Variants in GRAP2 observed in about 807,000 individuals in gnomAD.
The protein encoded by GRAP2 is GRB2-related adapter protein 2.
Under a neutral mutation model 43.5 loss-of-function variants are expected in GRAP2, and 31 were observed. The observed-to-expected ratio is 0.71, with a 90% confidence interval of 0.54 to 0.96. The LOEUF (loss-of-function observed/expected upper bound fraction) is 0.96, where lower values mean the gene tolerates loss of function less well. GRAP2 is among the 40% of genes least tolerant of loss of function. The pLI, the probability that GRAP2 is intolerant of heterozygous loss-of-function variation, is 0.00. For missense variants in GRAP2, 371 were observed against 424.4 expected, an observed-to-expected ratio of 0.87 and a Z score of 1.11; for synonymous variants, 156 against 164.8, an observed-to-expected ratio of 0.95 and a Z score of 0.41.
chr22:39,938,431 G>C (rs1404175186), intron 1 of GRAP2, among the ~76,000 whole-genome samples: 1 of 152,252 alleles, frequency 6.6e-6, no homozygotes, highest in East Asian at 1.9e-4. Flanking sequence ...TGACGGGGGA[G>C]ATTGTTCCCA....
chr22:39,969,354 A>G, intron 6 of GRAP2, 57 bp from the exon 7 acceptor site: 1 of 1,604,102 alleles, frequency 6.2e-7, no homozygotes, highest in African/African-American at 1.3e-5. Context: ...GCACTGGGGG[A>G]ACCGGTGGGA....
chr22:39,922,989 C>T (rs1389086943), intron 1 of GRAP2, among the ~76,000 whole-genome samples: 1 of 151,530 alleles, frequency 6.6e-6, no homozygotes, highest in Non-Finnish European at 1.5e-5. Context: ...TTGCAGTGAG[C>T]CGAGATTGCT....
rs538008395 is a variant in GRAP2 at position 39,927,170 on chromosome 22, G to GC, written c.-14-19916dup. ...GCCACGTTGATCACGTTTTAATTCT[G>GC]CCCCCCCGGCCATGCTATCCCCACT... On this transcript the variant is annotated intron_variant, in intron 1 of 7. Transcript: ENST00000344138. Among the ~76,000 whole-genome samples, 678 of 151,938 alleles carry GC rather than the reference G, an allele frequency of 4.5e-3. 4 individuals are homozygous for GC. Among genetic ancestry groups the GC allele is most frequent in the African/African-American group, 0.01 (416 of 41,452 alleles).
Position 39,968,729 on chromosome 22 carries a change from C to T in GRAP2, c.690+457C>T, listed in dbSNP as rs940809297. On this transcript the variant is annotated intron_variant, in intron 6 of 7. Coordinates refer to ENST00000344138, the MANE Select transcript of GRAP2 (RefSeq NM_004810.4). The stretch of plus-strand genomic sequence containing the variant: ...AGGCGGCTTACTGAGATGGACAATA[C>T]GGCCAGATAACATCATTCCTGAATT... The T allele has an allele frequency of 1.8e-5, 3 of 166,704 alleles. No homozygotes were observed. The East Asian group carries it at 5.2e-4, about 29-fold the overall frequency. The allele number at this position is 166,704 out of a possible 1,614,324, so 10.3% of individuals were successfully genotyped here.
rs1465922671 is a variant in GRAP2, at chr22:39,901,190, A to G, written c.-155A>G. 7 of 718,658 alleles carry G rather than the reference A, an allele frequency of 9.7e-6. No individual in the cohort carries two copies. Among genetic ancestry groups the G allele is most frequent in the Non-Finnish European group, 1.3e-5 (6 of 467,696 alleles). 44.5% of individuals were successfully genotyped at this position (718,658 alleles called of 1,614,324 possible). A position where few individuals can be genotyped will look rare whatever the true frequency, so the allele number is the denominator to read the frequency against. ...CTTGCACCCTCTTTCAGAGTGGTAC[A>G]TGGAAGACAGCACAAAGTGGATCCA... On this transcript the variant is annotated 5_prime_UTR_variant, in exon 1 of 8. It removes an upstream start codon present in the reference 5' UTR. Transcript: ENST00000344138.
At chr22:39,899,574 T>C (rs1049876658), upstream of GRAP2, among the ~76,000 whole-genome samples, 8 of 87,414 alleles carry the variant, frequency 9.2e-5, no homozygotes, top group Non-Finnish European at 1.3e-4. Flanking sequence ...AGCAAGATGT[T>C]GTTATTTTTA....
chr22:39,943,773 G>A (rs1320295995), intron 1 of GRAP2, among the ~76,000 whole-genome samples: 1 of 148,950 alleles, frequency 6.7e-6, no homozygotes, highest in Non-Finnish European at 1.5e-5. Context: ...AGACTGGAGT[G>A]CAGTGGTGCA....
At chr22:39,914,205 A>G (rs1450526142) in intron 1 of GRAP2, among the ~76,000 whole-genome samples, 1 of 152,170 alleles carries the variant, frequency 6.6e-6, no homozygotes, top group Admixed American at 6.5e-5. Flanking sequence ...ATATAAAAGA[A>G]TATACACAGT....
chr22:39,894,808 C>T, the GRAP2 span, among the ~76,000 whole-genome samples: 12 of 152,088 alleles, frequency 7.9e-5, no homozygotes, highest in Admixed American at 6.5e-4. Flanking sequence ...TGACAGGCAC[C>T]GTCAGAGAAG....
intron 1 of GRAP2, among the ~76,000 whole-genome samples, chr22:39,940,825 C>T (rs2066861293): frequency 6.6e-6 from 1 of 152,098 alleles, no homozygotes. Flanking sequence ...AGGTTTGAGT[C>T]TTTGAAATGT....
At chr22:39,962,175 C>T (rs2067126511) in intron 4 of GRAP2, among the ~76,000 whole-genome samples, 1 of 152,196 alleles carries the variant, frequency 6.6e-6, no homozygotes, top group South Asian at 2.1e-4. Flanking sequence ...CTAATCCCAG[C>T]ACTTTGGGAG....
intron 1 of GRAP2, among the ~76,000 whole-genome samples, chr22:39,917,687 T>C (rs1336946288): frequency 6.6e-6 from 1 of 152,218 alleles, no homozygotes; most frequent in Non-Finnish European, 1.5e-5. Context: ...GACATTATTG[T>C]AGAAGCACAG....
intron 1 of GRAP2, among the ~76,000 whole-genome samples, chr22:39,922,965 C>T (rs1025583653): frequency 2.6e-5 from 4 of 151,750 alleles, no homozygotes; most frequent in Non-Finnish European, 5.9e-5. Context: ...TTGCTTGAAC[C>T]TAGGAGGCGG....
intron 1 of GRAP2, among the ~76,000 whole-genome samples, chr22:39,924,959 C>T (rs755241898): frequency 2.0e-5 from 3 of 152,106 alleles, no homozygotes; most frequent in Non-Finnish European, 4.4e-5. Context: ...AGGAGATGGA[C>T]TTGAATTTGA....
chr22:39,912,284 G>T (rs541104967), intron 1 of GRAP2, among the ~76,000 whole-genome samples: 15 of 152,302 alleles, frequency 9.8e-5, no homozygotes, highest in Admixed American at 6.5e-4. Flanking sequence ...GCCAGGGATG[G>T]TGATGCATGC....
intron 6 of GRAP2, 40 bp downstream of exon 6, chr22:39,968,312 G>A (rs2067197246): frequency 6.3e-7 from 1 of 1,593,318 alleles, no homozygotes; most frequent in Non-Finnish European, 8.6e-7. Context: ...ACGGTGGAAA[G>A]GAGAACCTGC....
intron 1 of GRAP2, among the ~76,000 whole-genome samples, chr22:39,933,704 G>T (rs1386811462): frequency 1.3e-5 from 2 of 152,018 alleles, no homozygotes; most frequent in Non-Finnish European, 2.9e-5. Context: ...AGCCAGGCGT[G>T]GTGGCGGGCA....
chr22:39,925,777 C>T (rs1342677842), intron 1 of GRAP2, among the ~76,000 whole-genome samples: 2 of 152,220 alleles, frequency 1.3e-5, no homozygotes, highest in Non-Finnish European at 2.9e-5. Context: ...ACACCAAGCC[C>T]CCCAGATCCG....
intron 1 of GRAP2, among the ~76,000 whole-genome samples, chr22:39,938,119 C>T (rs902848065): frequency 2.0e-5 from 3 of 152,154 alleles, no homozygotes; most frequent in Non-Finnish European, 2.9e-5. Context: ...AGGGGATAGG[C>T]CCTGCATGGG....
Sources: gnomAD v4.1 joint callset for allele counts (sites outside exome capture counted in the v4.1 genomes callset) on GRCh38, gnomAD v4.1.1 for gene constraint, MANE v1.5 for transcripts, NCBI Gene and HGNC (gene_info 2026-07-23, HGNC 2026-07-21) for gene names.